The following SLC1A7 variants were observed in gnomAD, a reference collection of about 807,000 sequenced individuals.
SLC1A7 encodes solute carrier family 1 member 7, also known as excitatory amino acid transporter 5.
SLC1A7 carries 40 observed loss-of-function variants against 47.7 expected under a neutral mutation model. The ratio of observed to expected loss-of-function variants is 0.84; its 90% CI spans 0.65 to 1.09. SLC1A7 has a LOEUF of 1.09. SLC1A7 is among the 50% of genes least tolerant of loss of function. The probability of loss-of-function intolerance (pLI) is 0.00; values close to 1 mark genes in which losing one functional copy is unlikely to be tolerated. For synonymous variants in SLC1A7, 323 were observed against 325.6 expected, an observed-to-expected ratio of 0.99 and a Z score of 0.09; for missense variants, 746 against 769.5, an observed-to-expected ratio of 0.97 and a Z score of 0.36.
intron 2 of SLC1A7, chr1:53,115,803 C>CA (rs1458322055): frequency 6.6e-6 from 1 of 152,330 alleles, no homozygotes; most frequent in Non-Finnish European, 1.5e-5. Context: ...GGCTCCTCCC[C>CA]ACCCCTAGCC....
chr1:53,115,156 C>T (rs539740667), intron 2 of SLC1A7, 183 bp from the exon 3 acceptor site: 25 of 612,800 alleles, frequency 4.1e-5, no homozygotes, highest in South Asian at 1.5e-4. Flanking sequence ...CTCTCCCCCA[C>T]GCCCCGGGGC....
chr1:53,134,367 C>T lies in SLC1A7; in HGVS notation c.198G>A (p.Leu66=). ...GCTCTCACCTGGAGACCACCAGTGG[C>T]AGGATCATCATCTTCAGCATCCTCA... is the stretch of plus-strand genomic sequence containing the variant. ...LLMRMLKMMI[L]PLVVSSLMSG... The change falls in exon 2 of 11, where the codon CTG becomes CTA. Residue 66 remains leucine, a synonymous_variant. Coordinates refer to ENST00000371494, the MANE Select transcript of SLC1A7 (RefSeq NM_006671.6). 1 of 1,613,204 alleles carries T rather than the reference C, an allele frequency of 6.2e-7. No individual in the cohort carries two copies. The highest frequency in any genetic ancestry group is 8.5e-7 in the Non-Finnish European group (1 of 1,179,564).
intron 7 of SLC1A7, chr1:53,091,116 G>A (rs1179572401): frequency 7.4e-6 from 5 of 672,612 alleles, no homozygotes; most frequent in Admixed American, 3.2e-5. Context: ...CAGGCTGTCT[G>A]GGCTTAGATT....
chr1:53,106,850 ATAAG>A (rs1416785613), intron 3 of SLC1A7, among the ~76,000 whole-genome samples: 1 of 152,154 alleles, frequency 6.6e-6, no homozygotes, highest in Admixed American at 6.5e-5. Flanking sequence ...AAAGAAATAA[ATAAG>A]TCTTTGAAAA....
rs768170154 is a variant in SLC1A7 at position 53,134,386 on chromosome 1, A to G, written c.179T>C (p.Met60Thr). 4.3e-6 allele frequency: 7 copies of G among 1,613,574 alleles called. No homozygotes were observed. The highest frequency in any genetic ancestry group is 5.9e-6 in the Non-Finnish European group (7 of 1,179,762). The change falls in exon 2 of 11, where the codon ATG (methionine) becomes ACG (threonine). Residue 60 changes from methionine to threonine, a missense_variant. By Grantham distance (81) the Met-to-Thr change is moderately conservative. Coordinates refer to ENST00000371494, the MANE Select transcript of SLC1A7 (RefSeq NM_006671.6). ...CAGTGGCAGGATCATCATCTTCAGC[A>G]TCCTCATCAGGAGCTCTCCAGGGAA... is the stretch of plus-strand genomic sequence containing the variant. ...FQFPGELLMR[M>T]LKMMILPLVV...
At chr1:53,141,539 G>A (rs562990094) in intron 1 of SLC1A7, among the ~76,000 whole-genome samples, 1 of 152,170 alleles carries the variant, frequency 6.6e-6, no homozygotes, top group East Asian at 1.9e-4. Flanking sequence ...GACAGGGAAA[G>A]GGGCTCTTTC....
chr1:53,123,955 G>A (rs1043942752), intron 2 of SLC1A7, among the ~76,000 whole-genome samples: 56 of 152,220 alleles, frequency 3.7e-4, no homozygotes, highest in African/African-American at 1.3e-3. Context: ...AGGCTGTACC[G>A]GTTTGGCCCT....
chr1:53,106,158 C>G (rs556672215), intron 3 of SLC1A7, among the ~76,000 whole-genome samples: 117 of 151,798 alleles, frequency 7.7e-4, no homozygotes, highest in African/African-American at 2.6e-3. Context: ...GCCACACCAC[C>G]GTGCGGTCAC....
intron 10 of SLC1A7, 74 bp downstream of exon 10, chr1:53,088,803 G>A: frequency 8.6e-7 from 1 of 1,160,858 alleles, no homozygotes; most frequent in South Asian, 1.3e-5. Context: ...GAGCTGGTTG[G>A]TGGAAGATCT....
chr1:53,091,941 G>A (rs539693712), intron 7 of SLC1A7, among the ~76,000 whole-genome samples: 9 of 152,344 alleles, frequency 5.9e-5, no homozygotes, highest in African/African-American at 1.7e-4. Flanking sequence ...ACTGGGCTGA[G>A]GTTTGGGATC....
intron 2 of SLC1A7, among the ~76,000 whole-genome samples, chr1:53,122,579 C>T (rs1644837620): frequency 6.6e-6 from 1 of 152,210 alleles, no homozygotes. Context: ...TCCCAGACGG[C>T]TCTGCCAAAG....
chr1:53,091,015 G>A (rs1460509621), intron 7 of SLC1A7: 1 of 1,426,074 alleles, frequency 7.0e-7, no homozygotes, highest in Non-Finnish European at 9.3e-7. Flanking sequence ...GCATTTTACA[G>A]ATGAGGAAGC....
intron 5 of SLC1A7, among the ~76,000 whole-genome samples, chr1:53,097,160 C>T (rs1361378045): frequency 1.3e-5 from 2 of 148,384 alleles, no homozygotes; most frequent in Non-Finnish European, 3.0e-5. Context: ...ACTCACATGC[C>T]CCACCTCAGT....
chr1:53,090,494 C>T, intron 8 of SLC1A7, 118 bp downstream of exon 8: 1 of 1,415,832 alleles, frequency 7.1e-7, no homozygotes, highest in South Asian at 1.5e-5. Flanking sequence ...GGCCCTCTGC[C>T]TGCTGTGCTC....
At chr1:53,112,029 C>T (rs922682) in intron 3 of SLC1A7, among the ~76,000 whole-genome samples, 142,530 of 152,270 alleles carry the variant, frequency 0.94, 67,232 homozygotes, top group East Asian at 1. Flanking sequence ...CTGATTGCAT[C>T]GATGGCCTCG....
At chr1:53,089,006 G>C in intron 9 of SLC1A7, 27 bp from the exon 10 acceptor site, 2 of 1,583,020 alleles carry the variant, frequency 1.3e-6, no homozygotes, top group South Asian at 2.2e-5. Flanking sequence ...GGGGGTGAGT[G>C]GTGGGCACTT....
At chr1:53,116,099 T>C (rs1644757567) in intron 2 of SLC1A7, 1 of 150,020 alleles carries the variant, frequency 6.7e-6, no homozygotes. Flanking sequence ...GCCACGCTCC[T>C]CTTATCATTA....
At chr1:53,135,944 A>G (rs1644988200) in intron 1 of SLC1A7, among the ~76,000 whole-genome samples, 1 of 151,820 alleles carries the variant, frequency 6.6e-6, no homozygotes, top group South Asian at 2.1e-4. Flanking sequence ...AAAATCTCCA[A>G]ATCATCAAAT....
At chr1:53,101,689 C>CGGTACACTCACACACCATGTA (rs1557673895) in intron 5 of SLC1A7, among the ~76,000 whole-genome samples, 3 of 148,820 alleles carry the variant, frequency 2.0e-5, no homozygotes, top group Non-Finnish European at 3.0e-5. Context: ...CAAACCATGT[C>CGGTACACTCACACACCATGTA]TCGGTACACT....
Sources: allele counts gnomAD v4.1 joint callset (sites outside exome capture counted in the v4.1 genomes callset), GRCh38; gene constraint gnomAD v4.1.1; transcripts MANE v1.5; gene names NCBI Gene and HGNC (gene_info 2026-07-23, HGNC 2026-07-21).